The following MYZAP variants were observed in gnomAD, a reference collection of about 807,000 sequenced individuals.
MYZAP encodes myocardial zonula adherens protein.
In MYZAP, 66 loss-of-function variants were observed where a neutral mutation model predicts 69.4. The observed-to-expected ratio is 0.95, with a 90% CI of 0.78 to 1.17. The LOEUF is 1.17. Ranked by LOEUF, MYZAP falls within the 50% of genes most tolerant of loss-of-function variation. The pLI is 0.00. For missense variants in MYZAP, 611 were observed against 556.2 expected, an observed-to-expected ratio of 1.10 and a Z score of -0.99; for synonymous variants, 256 against 205.9, an observed-to-expected ratio of 1.24 and a Z score of -2.09.
chr15:57,663,845 A>G (rs1192337451), intron 11 of MYZAP, among the ~76,000 whole-genome samples: 1 of 152,198 alleles, frequency 6.6e-6, no homozygotes, highest in Non-Finnish European at 1.5e-5. Context: ...ATCAATAATG[A>G]TTATCAATTT....
At chr15:57,608,358 G>A (rs1437290136) in intron 2 of MYZAP, among the ~76,000 whole-genome samples, 2 of 152,204 alleles carry the variant, frequency 1.3e-5, no homozygotes, top group African/African-American at 4.8e-5. Flanking sequence ...GGTGTGTTGT[G>A]GATGGCGTAT....
chr15:57,614,168 C>G (rs1297968818), intron 2 of MYZAP, among the ~76,000 whole-genome samples: 1 of 152,174 alleles, frequency 6.6e-6, no homozygotes, highest in African/African-American at 2.4e-5. Flanking sequence ...TCATTTGGAC[C>G]ATATTTATGT....
intron 11 of MYZAP, among the ~76,000 whole-genome samples, chr15:57,669,075 G>A (rs568507990): frequency 6.6e-6 from 1 of 151,998 alleles, no homozygotes; most frequent in African/African-American, 2.4e-5. Flanking sequence ...ATTTTTAGTA[G>A]AGATGGTTTC....
intron 2 of MYZAP, among the ~76,000 whole-genome samples, chr15:57,611,162 A>G (rs1481411774): frequency 6.6e-6 from 1 of 152,266 alleles, no homozygotes; most frequent in East Asian, 1.9e-4. Flanking sequence ...TAGACTGCCC[A>G]CTGAAATTGG....
intron 1 of MYZAP, among the ~76,000 whole-genome samples, chr15:57,596,681 A>G (rs2034080283): frequency 6.6e-6 from 1 of 152,216 alleles, no homozygotes; most frequent in African/African-American, 2.4e-5. Flanking sequence ...TCCTTAGTGT[A>G]GCATCCAGGC....
chr15:57,675,238 A>T (rs1196411497), intron 12 of MYZAP, among the ~76,000 whole-genome samples, 170 bp downstream of exon 12: 3 of 152,164 alleles, frequency 2.0e-5, no homozygotes, highest in African/African-American at 7.2e-5. Flanking sequence ...GAACAGGGGC[A>T]TTGTGCAGGG....
In MYZAP at chr15:57,625,880, C is replaced by T; in HGVS notation, c.513C>T (p.Ser171=). 6.2e-7 allele frequency: 1 copy of T among 1,614,160 alleles called. No homozygotes were observed. The highest frequency in any genetic ancestry group is 8.5e-7 in the Non-Finnish European group (1 of 1,180,008). Residue 171 remains serine, a synonymous_variant, in exon 5 of 13, where the codon TCC becomes TCT. Transcript: ENST00000267853. Reference sequence around the variant, plus strand: ...TGAACTCAGCCTTGGCATCAGATTCCATTGGCCTGCAGGTACTCATCTGCT... The same window carrying T: ...TGAACTCAGCCTTGGCATCAGATTCTATTGGCCTGCAGGTACTCATCTGCT... The part of the protein sequence containing the change: ...NAMNSALASD[S]IGLQKTLVDV...
chr15:57,599,808 G>C, intron 1 of MYZAP: 3 of 818,866 alleles, frequency 3.7e-6, no homozygotes, highest in Non-Finnish European at 5.4e-6. Context: ...AACTTTATGG[G>C]TGGTTCAGGG....
At chr15:57,612,934 T>G (rs2035199145) in intron 2 of MYZAP, among the ~76,000 whole-genome samples, 2 of 152,254 alleles carry the variant, frequency 1.3e-5, no homozygotes, top group African/African-American at 4.8e-5. Context: ...AAGCCTTTTA[T>G]TTTCTTTTTT....
At chr15:57,676,632 C>T (rs1470165643) in intron 12 of MYZAP, among the ~76,000 whole-genome samples, 1 of 152,006 alleles carries the variant, frequency 6.6e-6, no homozygotes, top group African/African-American at 2.4e-5. Context: ...GCCTAGTCCA[C>T]TCTAATTGCC....
intron 1 of MYZAP, among the ~76,000 whole-genome samples, chr15:57,601,225 CTGTGTATG>C (rs1176444352): frequency 2.6e-5 from 4 of 151,622 alleles, no homozygotes; most frequent in African/African-American, 7.3e-5. Context: ...ATGTTGGAGC[CTGTGTATG>C]TGTGTATGTG....
At position 57,684,415 on chromosome 15, in the gene MYZAP, A is replaced by G. The variant is rs1335555918; in HGVS notation, c.1318A>G (p.Thr440Ala). 3 of 1,612,646 alleles carry G rather than the reference A, an allele frequency of 1.9e-6. No homozygotes were observed. The African/African-American group carries it at 4.0e-5, about 22-fold the overall frequency. Reference sequence around the variant, plus strand: ...CTCATTTCTCAGCCAAACAGGCAGGACTCGTGAAATTGTGATGCCTTCTAG... The same window carrying G: ...CTCATTTCTCAGCCAAACAGGCAGGGCTCGTGAAATTGTGATGCCTTCTAG... ...CDLLPSQTGR[T>A]REIVMPSRNY... Residue 440 changes from threonine to alanine, a missense_variant, in exon 13 of 13, where the codon ACT (threonine) becomes GCT (alanine). Physicochemically the swap from Thr to Ala is moderately conservative, Grantham distance 58 (BLOSUM62 0). Transcript: ENST00000267853.
chr15:57,639,130 G>A lies in MYZAP; in HGVS notation c.1014-310G>A, dbSNP rs142370565. Among the ~76,000 whole-genome samples the A allele has an allele frequency of 9.1e-4, 139 of 152,120 alleles. 1 individual carries two copies. Among genetic ancestry groups the A allele is most frequent in the African/African-American group, 3.2e-3 (133 of 41,510 alleles). On this transcript the variant is annotated intron_variant, in intron 9 of 12. Transcript: ENST00000267853. ...AGAGTTTGATTTCTTGTTCTTGGAA[G>A]CATTTTTAAATGTTTTTAAATTTAC... is the stretch of plus-strand genomic sequence containing the variant.
chr15:57,620,037 A>G (rs374831706), intron 3 of MYZAP, among the ~76,000 whole-genome samples: 8 of 152,350 alleles, frequency 5.3e-5, no homozygotes, highest in African/African-American at 1.9e-4. Flanking sequence ...TGGGAGGGAC[A>G]TGCAGCTCAA....
At chr15:57,634,812 A>C (rs2036718320) in intron 8 of MYZAP, among the ~76,000 whole-genome samples, 1 of 152,172 alleles carries the variant, frequency 6.6e-6, no homozygotes, top group Non-Finnish European at 1.5e-5. Context: ...GGAAAACAGA[A>C]TCCCATCTTT....
intron 2 of MYZAP, among the ~76,000 whole-genome samples, chr15:57,614,543 A>T (rs2035310964): frequency 6.7e-6 from 1 of 148,334 alleles, no homozygotes; most frequent in Admixed American, 6.7e-5. Flanking sequence ...AGCATGTGTG[A>T]CTACCTTGAA....
chr15:57,618,616 C>G (rs535295597), intron 3 of MYZAP, among the ~76,000 whole-genome samples: 33 of 152,296 alleles, frequency 2.2e-4, no homozygotes, highest in African/African-American at 5.8e-4. Context: ...CCAACCAAGC[C>G]AATCAATGCC....
chr15:57,599,483 C>G, intron 1 of MYZAP: 2 of 1,191,400 alleles, frequency 1.7e-6, no homozygotes, highest in South Asian at 1.6e-5. Flanking sequence ...GGAAGGAACC[C>G]TTGCCCCCAG....
intron 8 of MYZAP, among the ~76,000 whole-genome samples, chr15:57,636,524 T>C (rs2036825478): frequency 6.6e-6 from 1 of 152,202 alleles, no homozygotes; most frequent in African/African-American, 2.4e-5. Context: ...AAGAGTTTGC[T>C]GGGTGGAATT....
Sources: allele counts gnomAD v4.1 joint callset (sites outside exome capture counted in the v4.1 genomes callset), GRCh38; gene constraint gnomAD v4.1.1; transcripts MANE v1.5; gene names NCBI Gene and HGNC (gene_info 2026-07-23, HGNC 2026-07-21).